Variants in SMR3B observed in about 807,000 individuals in gnomAD.
SMR3B encodes the protein submaxillary gland androgen-regulated protein 3B.
For missense variants in SMR3B, 114 were observed against 99.9 expected (o/e 1.14, Z -0.60); for synonymous variants, 42 against 36.1 (o/e 1.16, Z -0.59).
At chr4:70,388,861 G>A (rs1732710506) in intron 2 of SMR3B, among the ~76,000 whole-genome samples, 1 of 152,066 alleles carries the variant, frequency 6.6e-6, no homozygotes, top group South Asian at 2.1e-4. Context: ...TCTTGAATTA[G>A]ACATAATAAG....
At chr4:70,384,711 A>AATTAG in intron 2 of SMR3B, 147 bp downstream of exon 2, 2 of 1,449,568 alleles carry the variant, frequency 1.4e-6, no homozygotes, top group Non-Finnish European at 1.8e-6. Flanking sequence ...CTTAAATTTA[A>AATTAG]ATTTAAAATC....
At chr4:70,386,624 T>A (rs1445087691) in intron 2 of SMR3B, among the ~76,000 whole-genome samples, 1 of 152,200 alleles carries the variant, frequency 6.6e-6, no homozygotes, top group Non-Finnish European at 1.5e-5. Context: ...AGTATTTTCA[T>A]CATTTTTCTG....
chr4:70,388,794 G>C (rs754954864), intron 2 of SMR3B, among the ~76,000 whole-genome samples: 14 of 152,104 alleles, frequency 9.2e-5, no homozygotes. Context: ...GCACAAAGTA[G>C]GTGCTCATGA....
chr4:70,388,378 G>T (rs1460425497), intron 2 of SMR3B, among the ~76,000 whole-genome samples: 1 of 152,018 alleles, frequency 6.6e-6, no homozygotes, highest in Admixed American at 6.6e-5. Flanking sequence ...CTCCCAAAGT[G>T]CTGGGATTAC....
chr4:70,384,734 C>T (rs1732628824), intron 2 of SMR3B, 170 bp downstream of exon 2: 2 of 1,332,388 alleles, frequency 1.5e-6, no homozygotes, highest in African/African-American at 1.5e-5. Context: ...ATTTAAATAA[C>T]CACACATGTC....
chr4:70,387,667 T>G (rs1732689270), intron 2 of SMR3B, among the ~76,000 whole-genome samples: 1 of 152,148 alleles, frequency 6.6e-6, no homozygotes, highest in Non-Finnish European at 1.5e-5. Flanking sequence ...CATTTCTAAT[T>G]GCCTGAAATA....
At position 70,383,213 on chromosome 4, in the gene SMR3B, G is replaced by A. The variant is rs1490541992; in HGVS notation, c.-15+1G>A. 1 of 152,028 alleles carries A rather than the reference G, an allele frequency of 6.6e-6. No individual in the cohort carries two copies. Among genetic ancestry groups the A allele is most frequent in the Non-Finnish European group, 1.5e-5 (1 of 67,992 alleles). The allele number at this position is 152,028 out of a possible 1,614,324, so 9.4% of individuals were successfully genotyped here. A position where few individuals can be genotyped will look rare whatever the true frequency, so the allele number is the denominator to read the frequency against. On this transcript the variant is annotated splice_donor_variant, in intron 1 of 2. Transcript: ENST00000304915. LOFTEE classifies it low-confidence loss of function (5UTR_SPLICE). ...CTGTAAGACAGATCCTCACACAAAG[G>A]TAGGTACTTGGAAATATAAACTGAA...
intron 2 of SMR3B, among the ~76,000 whole-genome samples, chr4:70,388,537 C>T (rs1732706741): frequency 6.6e-6 from 1 of 152,068 alleles, no homozygotes; most frequent in South Asian, 2.1e-4. Flanking sequence ...GAGGTGGGTC[C>T]TTTTATTAAC....
At chr4:70,383,459 C>A (rs971556099) in intron 1 of SMR3B, among the ~76,000 whole-genome samples, 1 of 152,070 alleles carries the variant, frequency 6.6e-6, no homozygotes, top group African/African-American at 2.4e-5. Context: ...TCCAAGTACA[C>A]AATTGACTTT....
At chr4:70,387,355 G>A (rs763597183) in intron 2 of SMR3B, among the ~76,000 whole-genome samples, 8 of 152,280 alleles carry the variant, frequency 5.3e-5, no homozygotes, top group Admixed American at 2.6e-4. Flanking sequence ...GGAAGTAAGA[G>A]ATATGATAAG....
Position 70,389,714 on chromosome 4 carries a change from GCTC to G in SMR3B, c.113_115del (p.Pro38del). 6.2e-7 allele frequency: 1 copy of G among 1,613,914 alleles called. No homozygotes were observed. The highest frequency in any genetic ancestry group is 2.2e-5 in the East Asian group (1 of 44,864). On this transcript the variant is annotated inframe_deletion, in exon 3 of 3. Coordinates refer to ENST00000304915, the MANE Select transcript of SMR3B (RefSeq NM_006685.4). ...GGGACCATATCCACCTGGACCGCTGGCTCCTCCTCAACCTTTTGGCCCAGGATT... is the reference window on the plus strand; with the variant it reads ...GGGACCATATCCACCTGGACCGCTGGCTCCTCAACCTTTTGGCCCAGGATT...
At chr4:70,383,593 C>T (rs1560527401) in intron 1 of SMR3B, among the ~76,000 whole-genome samples, 1 of 152,036 alleles carries the variant, frequency 6.6e-6, no homozygotes, top group Non-Finnish European at 1.5e-5. Context: ...GTTTTTCAAA[C>T]TTAATTTAAG....
intron 2 of SMR3B, among the ~76,000 whole-genome samples, chr4:70,387,664 A>T (rs892326090): frequency 5.3e-5 from 8 of 152,126 alleles, no homozygotes; most frequent in African/African-American, 1.9e-4. Flanking sequence ...GTTCATTTCT[A>T]ATTGCCTGAA....
Position 70,389,675 on chromosome 4 carries a change from C to T in SMR3B, c.67C>T (p.Gln23Ter). ...CTTATTTCCACAGCCTGGTGAGAGT[C>T]AAAGAGGCCCCAGGGGACCATATCC... ...LAACFTPGESQRGPRGPYPPG... is the reference protein window; with the variant it reads ...LAACFTPGES Residue 23 changes from glutamine to a stop codon, truncating the protein, a stop_gained, in exon 3 of 3, where the codon CAA (glutamine) becomes TAA (stop). Coordinates refer to ENST00000304915, the MANE Select transcript of SMR3B (RefSeq NM_006685.4). LOFTEE classifies it low-confidence loss of function (END_TRUNC). 6.2e-7 allele frequency: 1 copy of T among 1,613,966 alleles called. No homozygotes were observed. The highest frequency in any genetic ancestry group is 8.5e-7 in the Non-Finnish European group (1 of 1,179,914).
At position 70,385,503 on chromosome 4, in the gene SMR3B, G is replaced by A. The variant is rs375632982; in HGVS notation, c.54+939G>A. Among the ~76,000 whole-genome samples, 14 of 148,514 alleles carry A rather than the reference G, an allele frequency of 9.4e-5. 1 individual carries two copies. In the East Asian group the frequency reaches 1.4e-3, roughly 15 times the overall value. On this transcript the variant is annotated intron_variant, in intron 2 of 2. Transcript: ENST00000304915. ...ACTGCAAGCTCCGCCTCCCGGGTTC[G>A]CGCCATTCTCCTGCCTCAGCCTCCG...
In SMR3B at chr4:70,390,194, G is replaced by A; in HGVS notation, c.*346G>A. 1.7e-6 allele frequency: 1 copy of A among 583,380 alleles called. No homozygotes were observed. The highest frequency in any genetic ancestry group is 3.1e-6 in the Non-Finnish European group (1 of 326,758). 36.1% of individuals were successfully genotyped at this position (583,380 alleles called of 1,614,324 possible). ...GAAAGAAATTGTAGAAAAAACCCAT[G>A]CAGACATAACATTTATACCAATGAG... is the stretch of plus-strand genomic sequence containing the variant. On this transcript the variant is annotated 3_prime_UTR_variant, in exon 3 of 3. Coordinates refer to ENST00000304915, the MANE Select transcript of SMR3B (RefSeq NM_006685.4).
chr4:70,386,464 A>C (rs1732667902), intron 2 of SMR3B, among the ~76,000 whole-genome samples: 1 of 151,980 alleles, frequency 6.6e-6, no homozygotes, highest in Non-Finnish European at 1.5e-5. Context: ...ACACAAATAA[A>C]GCAAGTCTAA....
chr4:70,388,035 G>A (rs2015791), intron 2 of SMR3B, among the ~76,000 whole-genome samples: 106,531 of 152,014 alleles, frequency 0.7, 37,643 homozygotes, highest in African/African-American at 0.77. Context: ...TGTGTCCTGT[G>A]TAAACCATCT....
chr4:70,389,706 G>A lies in SMR3B; in HGVS notation c.98G>A (p.Gly33Glu), dbSNP rs201614206. 158 of 1,613,942 alleles carry A rather than the reference G, an allele frequency of 9.8e-5. No individual in the cohort carries two copies. The Middle Eastern group carries it at 1.2e-3, about 12-fold the overall frequency. ...GGCCCCAGGGGACCATATCCACCTGGACCGCTGGCTCCTCCTCAACCTTTT... is the reference window on the plus strand; with the variant it reads ...GGCCCCAGGGGACCATATCCACCTGAACCGCTGGCTCCTCCTCAACCTTTT... ...QRGPRGPYPPGPLAPPQPFGP... is the reference protein window; with the variant it reads ...QRGPRGPYPPEPLAPPQPFGP... Residue 33 changes from glycine to glutamate, a missense_variant, in exon 3 of 3, where the codon GGA becomes GAA. Gly to Glu is a moderately conservative substitution (Grantham distance 98, BLOSUM62 -2). Transcript: ENST00000304915.
Sources: gnomAD v4.1 joint callset for allele counts (sites outside exome capture counted in the v4.1 genomes callset) on GRCh38, gnomAD v4.1.1 for gene constraint, MANE v1.5 for transcripts, NCBI Gene and HGNC (gene_info 2026-07-23, HGNC 2026-07-21) for gene names.